Variants in SLC5A5 observed in about 807,000 individuals in gnomAD.
The protein encoded by SLC5A5 is sodium/iodide cotransporter.
SLC5A5 carries 56 observed loss-of-function variants against 68.6 expected under a neutral mutation model. The ratio of observed to expected loss-of-function variants is 0.82; its 90% CI spans 0.66 to 1.02. The LOEUF is 1.02. Ranked by LOEUF, SLC5A5 falls within the 50% of genes least tolerant of loss-of-function variation. The pLI is 0.00. For missense variants in SLC5A5, 807 were observed against 859.8 expected (o/e 0.94, Z 0.77); for synonymous variants, 398 against 373.0 (o/e 1.07, Z -0.77).
At chr19:17,873,995 C>T (rs996332144) in intron 1 of SLC5A5, 143 bp from the exon 2 acceptor site, 2 of 703,090 alleles carry the variant, frequency 2.8e-6, no homozygotes, top group Non-Finnish European at 5.3e-6. Context: ...TGTGTGCGTG[C>T]GGCGGGGCCC....
rs747293975 is a variant in SLC5A5, at chr19:17,884,044, C to A, written c.1524C>A (p.Pro508=). 26 of 1,561,244 alleles carry A rather than the reference C, an allele frequency of 1.7e-5. No homozygotes were observed. In the South Asian group the frequency reaches 2.8e-4, roughly 17 times the overall value. ...LLPANDSSRA[P]SSGMDASRPA... is the part of the protein sequence containing the mutation. ...CTGCTAACGACTCCAGCAGGGCCCC[C>A]AGGTGAGCAGACTTGAGGGTAGGGG... is the stretch of plus-strand genomic sequence containing the variant. Residue 508 remains proline (P), a splice_region_variant and synonymous_variant, in exon 12 of 15, where the codon CCC becomes CCA. Coordinates refer to ENST00000222248, the MANE Select transcript of SLC5A5 (RefSeq NM_000453.3).
Position 17,872,082 on chromosome 19 carries a change from C to G in SLC5A5, c.-238C>G. 1.8e-6 allele frequency: 1 copy of G among 560,450 alleles called. No individual in the cohort carries two copies. The highest frequency in any genetic ancestry group is 3.2e-6 in the Non-Finnish European group (1 of 314,910). 34.7% of individuals were successfully genotyped at this position (560,450 alleles called of 1,614,324 possible). Reference sequence around the variant, plus strand: ...TGGCAGGACAGACAGACAGCAGGGGCGGACGCAGAGACAGACAGCGGGGAC... The same window carrying G: ...TGGCAGGACAGACAGACAGCAGGGGGGGACGCAGAGACAGACAGCGGGGAC... On this transcript the variant is annotated 5_prime_UTR_variant, in exon 1 of 15. Coordinates refer to ENST00000222248, the MANE Select transcript of SLC5A5 (RefSeq NM_000453.3).
At chr19:17,890,494 C>T (rs1016123474) in intron 13 of SLC5A5, among the ~76,000 whole-genome samples, 2 of 152,174 alleles carry the variant, frequency 1.3e-5, no homozygotes, top group Non-Finnish European at 1.5e-5. Context: ...TGGGCTCAAG[C>T]AATCCTCCTG....
Position 17,877,796 on chromosome 19 carries a change from A to G in SLC5A5, c.772A>G (p.Met258Val). ...GGGTGGCACGTTGGTGTGGCTCTCC[A>G]TGTATGGCGTGAACCAGGCGCAGGT... ...VVGGTLVWLS[M>V]YGVNQAQVQR... Residue 258 changes from methionine to valine, a missense_variant, in exon 6 of 15, where the codon ATG becomes GTG. Coordinates refer to ENST00000222248, the MANE Select transcript of SLC5A5 (RefSeq NM_000453.3). 1.2e-6 allele frequency: 2 copies of G among 1,614,196 alleles called. No individual in the cohort carries two copies. The highest frequency in any genetic ancestry group is 1.7e-6 in the Non-Finnish European group (2 of 1,180,028).
At position 17,877,826 on chromosome 19, in the gene SLC5A5, C is replaced by A; in HGVS notation, c.802C>A (p.Arg268Ser). ...TGGCGTGAACCAGGCGCAGGTGCAG[C>A]GCTACGTGGCTTGCCGCACAGAGAA... is the stretch of plus-strand genomic sequence containing the variant. ...MYGVNQAQVQRYVACRTEKQA... is the reference protein window; with the variant it reads ...MYGVNQAQVQSYVACRTEKQA... Residue 268 changes from arginine to serine, a missense_variant, in exon 6 of 15, where the codon CGC becomes AGC. Coordinates refer to ENST00000222248, the MANE Select transcript of SLC5A5 (RefSeq NM_000453.3). The A allele has an allele frequency of 6.2e-7, 1 of 1,614,208 alleles. No homozygotes were observed. Among genetic ancestry groups the A allele is most frequent in the Non-Finnish European group, 8.5e-7 (1 of 1,180,032 alleles).
At chr19:17,880,991 C>A in intron 8 of SLC5A5, 38 bp downstream of exon 8, 2 of 1,468,250 alleles carry the variant, frequency 1.4e-6, no homozygotes, top group Non-Finnish European at 1.9e-6. Flanking sequence ...ATTATTTCAG[C>A]CCCTGGGAGC....
intron 1 of SLC5A5, among the ~76,000 whole-genome samples, chr19:17,873,460 G>GAA (rs113950818): frequency 0.018 from 2,415 of 136,850 alleles, 69 homozygotes; most frequent in African/African-American, 0.062. Context: ...TGTCTCAAAG[G>GAA]AAAAAAAAAT....
Position 17,876,057 on chromosome 19 carries a change from C to T in SLC5A5, c.649C>T (p.Arg217Cys), listed in dbSNP as rs779661677. The change falls in exon 5 of 15, where the codon CGC becomes TGC. Residue 217 changes from arginine (R) to cysteine (C), a missense_variant. Arg to Cys is a radical substitution (Grantham distance 180, BLOSUM62 -3). Coordinates refer to ENST00000222248, the MANE Select transcript of SLC5A5 (RefSeq NM_000453.3). ...CGGTGTCATGCTTGTGGGCGGGCCC[C>T]GCCAGGTGCTCACGCTGGCCCAGAA... Reference protein sequence around the residue: ...ARGVMLVGGPRQVLTLAQNHS... With the variant: ...ARGVMLVGGPCQVLTLAQNHS... The T allele has an allele frequency of 4.0e-5, 65 of 1,614,068 alleles. No individual in the cohort carries two copies. Among genetic ancestry groups the T allele is most frequent in the Non-Finnish European group, 5.2e-5 (61 of 1,180,052 alleles).
At chr19:17,873,584 C>T (rs2094299493) in intron 1 of SLC5A5, among the ~76,000 whole-genome samples, 1 of 152,066 alleles carries the variant, frequency 6.6e-6, no homozygotes, top group African/African-American at 2.4e-5. Flanking sequence ...GGTGAAACCC[C>T]GTCTTTACTA....
chr19:17,884,129 G>A, intron 12 of SLC5A5, 83 bp downstream of exon 12: 4 of 1,222,848 alleles, frequency 3.3e-6, no homozygotes, highest in East Asian at 2.5e-5. Context: ...TGCACTCTGT[G>A]TAAGAAGCCT....
Position 17,872,240 on chromosome 19 carries a change from G to C in SLC5A5, c.-80G>C. ...TCCTCCCACCCGCCCTCCCCGTCCT[G>C]CCTCCTCGGCCCCTGCCAGCTTCCC... On this transcript the variant is annotated 5_prime_UTR_variant, in exon 1 of 15. Coordinates refer to ENST00000222248, the MANE Select transcript of SLC5A5 (RefSeq NM_000453.3). 10 of 477,738 alleles carry C rather than the reference G, an allele frequency of 2.1e-5. No individual in the cohort carries two copies. Among genetic ancestry groups the C allele is most frequent in the Non-Finnish European group, 3.4e-5 (9 of 262,378 alleles). 29.6% of individuals were successfully genotyped at this position (477,738 alleles called of 1,614,324 possible).
chr19:17,892,652 CAGAGAGAGAG>C (rs58081153), intron 14 of SLC5A5, among the ~76,000 whole-genome samples: 2,556 of 97,390 alleles, frequency 0.026, 79 homozygotes, highest in African/African-American at 0.078. Context: ...AAAGAAAAGA[CAGAGAGAGAG>C]AGAGAGAGAG....
intron 13 of SLC5A5, among the ~76,000 whole-genome samples, chr19:17,890,163 C>T (rs866620640): frequency 6.6e-6 from 1 of 151,948 alleles, no homozygotes; most frequent in Admixed American, 6.6e-5. Context: ...CTCTGACTCC[C>T]GGGTTCAAGC....
Position 17,872,403 on chromosome 19 carries a change from T to C in SLC5A5, c.84T>C (p.Thr28=). Residue 28 remains threonine (T), a synonymous_variant, in exon 1 of 15, where the codon ACT becomes ACC. Coordinates refer to ENST00000222248, the MANE Select transcript of SLC5A5 (RefSeq NM_000453.3). ...GVFALMLLVS[T]GIGLWVGLAR... ...TTGCCCTCATGCTCCTGGTGTCCAC[T>C]GGCATCGGGCTGTGGGTCGGGCTGG... is the stretch of plus-strand genomic sequence containing the variant. The C allele has an allele frequency of 6.2e-7, 1 of 1,606,218 alleles. No homozygotes were observed. The highest frequency in any genetic ancestry group is 8.5e-7 in the Non-Finnish European group (1 of 1,176,242).
Position 17,872,564 on chromosome 19 carries a change from G to T in SLC5A5, c.245G>T (p.Arg82Leu). ...CTGGGCGTGCCGTCGGAGGCCTATC[G>T]CTATGGCCTCAAGTTCCTCTGGATG... ...QVLGVPSEAYRYGLKFLWMCL... is the reference protein window; with the variant it reads ...QVLGVPSEAYLYGLKFLWMCL... Residue 82 changes from arginine (R) to leucine (L), a missense_variant, in exon 1 of 15, where the codon CGC (arginine) becomes CTC (leucine). Coordinates refer to ENST00000222248, the MANE Select transcript of SLC5A5 (RefSeq NM_000453.3). 6.2e-7 allele frequency: 1 copy of T among 1,612,064 alleles called. No homozygotes were observed. Among genetic ancestry groups the T allele is most frequent in the Non-Finnish European group, 8.5e-7 (1 of 1,179,158 alleles).
intron 1 of SLC5A5, among the ~76,000 whole-genome samples, chr19:17,873,442 G>A (rs1484300557): frequency 2.0e-5 from 3 of 151,284 alleles, no homozygotes; most frequent in African/African-American, 7.3e-5. Context: ...GCGACAGAGC[G>A]AGACTCTTGT....
Position 17,888,417 on chromosome 19 carries a change from C to G in SLC5A5, c.1613C>G (p.Thr538Ser). ...TATTACGGTGCCCTGGGCACGCTGACCACTGTGCTGTGCGGAGCCCTCATC... is the reference window on the plus strand; with the variant it reads ...TATTACGGTGCCCTGGGCACGCTGAGCACTGTGCTGTGCGGAGCCCTCATC... ...YLYYGALGTL[T>S]TVLCGALISC... Residue 538 changes from threonine to serine, a missense_variant, in exon 13 of 15, where the codon ACC (threonine) becomes AGC (serine). Physicochemically the swap from Thr to Ser is moderately conservative, Grantham distance 58. Transcript: ENST00000222248. 1 of 1,613,870 alleles carries G rather than the reference C, an allele frequency of 6.2e-7. No homozygotes were observed. Among genetic ancestry groups the G allele is most frequent in the African/African-American group, 1.3e-5 (1 of 74,994 alleles).
At chr19:17,889,011 TA>T (rs2030046786) in intron 13 of SLC5A5, among the ~76,000 whole-genome samples, 1 of 151,874 alleles carries the variant, frequency 6.6e-6, no homozygotes, top group African/African-American at 2.4e-5. Flanking sequence ...CTTTTATGTG[TA>T]TATATACATA....
chr19:17,890,752 G>T (rs1427106165), intron 13 of SLC5A5, 134 bp from the exon 14 acceptor site: 4 of 726,512 alleles, frequency 5.5e-6, no homozygotes, highest in Non-Finnish European at 1.0e-5. Flanking sequence ...GCTTGCCAGG[G>T]TCCCTTAGTG....
Sources: allele counts gnomAD v4.1 joint callset (sites outside exome capture counted in the v4.1 genomes callset), GRCh38; gene constraint gnomAD v4.1.1; transcripts MANE v1.5; gene names NCBI Gene and HGNC (gene_info 2026-07-23, HGNC 2026-07-21).